The following DNAH14 variants were observed in gnomAD, a reference collection of about 807,000 sequenced individuals.
DNAH14 encodes dynein axonemal heavy chain 14.
DNAH14 carries 478 observed loss-of-function variants against 520.9 expected under a neutral mutation model. The observed-to-expected ratio is 0.92, with a 90% CI of 0.85 to 0.99. The LOEUF is 0.99. DNAH14 is among the 50% of genes least tolerant of loss of function. The pLI is 0.00. For synonymous variants in DNAH14, 1,581 were observed against 1,757.2 expected (o/e 0.90, Z 2.51); for missense variants, 4,831 against 5,234.5 (o/e 0.92, Z 2.38).
chr1:225,335,894 C>A (rs1366115540), intron 66 of DNAH14, among the ~76,000 whole-genome samples: 1 of 98,252 alleles, frequency 1.0e-5, no homozygotes, highest in Non-Finnish European at 2.3e-5. Flanking sequence ...TGTACATATA[C>A]ATACATATAT....
intron 38 of DNAH14, among the ~76,000 whole-genome samples, chr1:225,198,482 G>C (rs958777479): frequency 1.1e-4 from 16 of 152,212 alleles, no homozygotes; most frequent in African/African-American, 3.6e-4. Context: ...CTCCCAAAGT[G>C]CTGGGATTAC....
At position 225,351,629 on chromosome 1, in the gene DNAH14, T is replaced by C; in HGVS notation, c.11297-18T>C. The C allele has an allele frequency of 2.0e-6, 3 of 1,522,866 alleles. No homozygotes were observed. Among genetic ancestry groups the C allele is most frequent in the Non-Finnish European group, 2.7e-6 (3 of 1,128,576 alleles). The allele number at this position is 1,522,866 out of a possible 1,614,324, so 94.3% of individuals were successfully genotyped here. A position where few individuals can be genotyped will look rare whatever the true frequency, so the allele number is the denominator to read the frequency against. ...AGGTTTATCTCTTCTAATGTGATCA[T>C]CTTTCTTTTTTTATCAGGCACATTT... On this transcript the variant is annotated intron_variant, in intron 71 of 85. Coordinates refer to ENST00000682510, the MANE Select transcript of DNAH14 (RefSeq NM_001367479.1).
chr1:225,124,575 C>A (rs1194947994), intron 27 of DNAH14, among the ~76,000 whole-genome samples: 2 of 152,170 alleles, frequency 1.3e-5, no homozygotes, highest in South Asian at 2.1e-4. Flanking sequence ...CATGAGATTG[C>A]AGCAAATTCC....
At chr1:225,201,007 G>T (rs1485849699) in intron 38 of DNAH14, among the ~76,000 whole-genome samples, 1 of 151,502 alleles carries the variant, frequency 6.6e-6, no homozygotes, top group African/African-American at 2.4e-5. Flanking sequence ...CTTAGGTTTG[G>T]TCATTTAACA....
rs2073699286 is a variant in DNAH14, at chr1:225,085,815, G to A, written c.3573+26G>A. On this transcript the variant is annotated intron_variant, in intron 21 of 85. Transcript: ENST00000682510. ...GTAAGTATTATGGCAAAGGAAAAATGTTTTCTTTTTCTGTAGTTTTATTTA... is the reference window on the plus strand; with the variant it reads ...GTAAGTATTATGGCAAAGGAAAAATATTTTCTTTTTCTGTAGTTTTATTTA... 2.0e-6 allele frequency: 3 copies of A among 1,487,378 alleles called. No individual in the cohort carries two copies. In the African/African-American group the frequency reaches 4.3e-5, roughly 21 times the overall value. The allele number at this position is 1,487,378 out of a possible 1,614,324, so 92.1% of individuals were successfully genotyped here.
intron 15 of DNAH14, among the ~76,000 whole-genome samples, chr1:225,044,877 A>T (rs957390728): frequency 1.3e-5 from 2 of 152,096 alleles, no homozygotes; most frequent in African/African-American, 4.8e-5. Context: ...GACATTCTAA[A>T]CAACTGTGCT....
chr1:225,370,413 G>A (rs927546287), intron 77 of DNAH14, among the ~76,000 whole-genome samples: 2 of 151,714 alleles, frequency 1.3e-5, no homozygotes, highest in East Asian at 1.9e-4. Context: ...CCAGCCACTC[G>A]GGAGGCTGAG....
intron 18 of DNAH14, 109 bp downstream of exon 18, chr1:225,079,657 T>C: frequency 1.4e-6 from 1 of 722,292 alleles, no homozygotes. Context: ...GGCTAAATAG[T>C]TTAATACAAG....
intron 36 of DNAH14, among the ~76,000 whole-genome samples, chr1:225,178,397 C>A (rs1444344722): frequency 6.6e-6 from 1 of 152,130 alleles, no homozygotes; most frequent in Non-Finnish European, 1.5e-5. Context: ...CTGATAAACC[C>A]ATCAGATCTC....
chr1:225,360,218 GCAC>G (rs1388385132), intron 74 of DNAH14, among the ~76,000 whole-genome samples: 1 of 152,178 alleles, frequency 6.6e-6, no homozygotes, highest in Admixed American at 6.5e-5. Flanking sequence ...TGGTATATAT[GCAC>G]CACATTTTCT....
chr1:225,328,716 C>T (rs1475091377), intron 64 of DNAH14, among the ~76,000 whole-genome samples: 3 of 152,098 alleles, frequency 2.0e-5, no homozygotes, highest in African/African-American at 7.2e-5. Flanking sequence ...GACTGCAATG[C>T]TCATCATATA....
intron 11 of DNAH14, among the ~76,000 whole-genome samples, chr1:225,030,785 A>G (rs2066465780): frequency 1.3e-5 from 2 of 152,144 alleles, no homozygotes; most frequent in East Asian, 1.9e-4. Context: ...ATAATTTTAT[A>G]ATAAGTCTTG....
intron 8 of DNAH14, among the ~76,000 whole-genome samples, chr1:224,985,032 A>C (rs749145107): frequency 2.0e-5 from 3 of 152,194 alleles, no homozygotes; most frequent in Non-Finnish European, 4.4e-5. Flanking sequence ...GTAAACTAGT[A>C]CGGCTGCTAT....
chr1:225,157,649 G>C (rs555904280), intron 34 of DNAH14, among the ~76,000 whole-genome samples: 1 of 151,966 alleles, frequency 6.6e-6, no homozygotes, highest in African/African-American at 2.4e-5. Context: ...GGTCATCCCT[G>C]ATTTTTTTCA....
intron 8 of DNAH14, among the ~76,000 whole-genome samples, 156 bp from the exon 9 acceptor site, chr1:225,002,627 C>T (rs971912236): frequency 9.2e-5 from 14 of 152,096 alleles, no homozygotes; most frequent in Non-Finnish European, 1.5e-5. Context: ...CATCCAAACA[C>T]AACCCCTAAT....
At chr1:225,227,005 C>T (rs140904995) in intron 41 of DNAH14, among the ~76,000 whole-genome samples, 333 of 152,304 alleles carry the variant, frequency 2.2e-3, no homozygotes, top group Non-Finnish European at 3.5e-3. Flanking sequence ...GTCTCACCTC[C>T]AGTCATAAGG....
chr1:224,992,054 G>A (rs913495453), intron 8 of DNAH14, among the ~76,000 whole-genome samples: 8 of 152,080 alleles, frequency 5.3e-5, no homozygotes, highest in African/African-American at 1.9e-4. Context: ...TACACGCATA[G>A]GTTCATTTAT....
At chr1:225,187,560 A>C (rs568644142) in intron 37 of DNAH14, among the ~76,000 whole-genome samples, 1 of 152,004 alleles carries the variant, frequency 6.6e-6, no homozygotes, top group East Asian at 1.9e-4. Flanking sequence ...CTTTTTGAGG[A>C]AACACCAAAG....
Position 225,079,263 on chromosome 1 carries a change from T to A in DNAH14, c.2481T>A (p.Phe827Leu). 6.5e-7 allele frequency: 1 copy of A among 1,548,392 alleles called. No homozygotes were observed. Among genetic ancestry groups the A allele is most frequent in the South Asian group, 1.2e-5 (1 of 83,150 alleles). ...LECDPTEIEEFLEHFIFLNAI... is the reference protein window; with the variant it reads ...LECDPTEIEELLEHFIFLNAI... ...GTGATCCCACTGAAATAGAAGAATT[T>A]CTGGAGCATTTTATTTTTTTGAATG... The change falls in exon 18 of 86, where the codon TTT (phenylalanine) becomes TTA (leucine). Residue 827 changes from phenylalanine (F) to leucine (L), a missense_variant. Coordinates refer to ENST00000682510, the MANE Select transcript of DNAH14 (RefSeq NM_001367479.1).
Sources: gnomAD v4.1 joint callset for allele counts (sites outside exome capture counted in the v4.1 genomes callset) on GRCh38, gnomAD v4.1.1 for gene constraint, MANE v1.5 for transcripts, NCBI Gene and HGNC (gene_info 2026-07-23, HGNC 2026-07-21) for gene names.